Variants in RPS6KB1 observed in about 807,000 individuals in gnomAD.
RPS6KB1 encodes ribosomal protein S6 kinase beta-1.
In RPS6KB1, 12 loss-of-function variants were observed where a neutral mutation model predicts 70.2. The observed-to-expected ratio is 0.17, with a 90% confidence interval of 0.11 to 0.28. The LOEUF is 0.28. Ranked by LOEUF, RPS6KB1 falls within the 10% of genes least tolerant of loss-of-function variation. RPS6KB1 has a pLI of 1.00. For synonymous variants in RPS6KB1, 175 were observed against 211.2 expected, an observed-to-expected ratio of 0.83 and a Z score of 1.49; for missense variants, 270 against 646.6, an observed-to-expected ratio of 0.42 and a Z score of 6.32.
At chr17:59,942,105 G>A (rs1346697641) in intron 13 of RPS6KB1, among the ~76,000 whole-genome samples, 2 of 152,032 alleles carry the variant, frequency 1.3e-5, no homozygotes, top group African/African-American at 4.8e-5. Flanking sequence ...TGATCCGCCC[G>A]CCTTGGCCTC....
In RPS6KB1 at chr17:59,923,547, G is replaced by A. The variant is rs373413054; in HGVS notation, c.382-2888G>A. Among the ~76,000 whole-genome samples, 65 of 151,928 alleles carry A rather than the reference G, an allele frequency of 4.3e-4. 1 individual carries two copies. Among genetic ancestry groups the A allele is most frequent in the African/African-American group, 1.6e-3 (65 of 41,428 alleles). On this transcript the variant is annotated intron_variant, in intron 4 of 14. Coordinates refer to ENST00000225577, the MANE Select transcript of RPS6KB1 (RefSeq NM_003161.4). ...TATTTTTGAGATGGAGTCTCGCTTT[G>A]TCCCCCAGGCTGGAATGCAGTGGTG...
chr17:59,910,932 G>C (rs1478932244), intron 2 of RPS6KB1, among the ~76,000 whole-genome samples: 1 of 152,134 alleles, frequency 6.6e-6, no homozygotes, highest in Non-Finnish European at 1.5e-5. Context: ...AAAGTCAAAT[G>C]CTTTCTGTTT....
Position 59,934,302 on chromosome 17 carries a change from TA to T in RPS6KB1, c.779+44del, listed in dbSNP as rs749296707. ...ACATAATTGGTTTGGGGGTAATAGC[TA>T]ATTTTACCTGTTTTAAGGAATAGTA... On this transcript the variant is annotated intron_variant, in intron 8 of 14. Transcript: ENST00000225577. This position sits in a 1 kb window ranked among gnomAD's most constrained non-coding sequence, Gnocchi z 4.8. 2 of 1,477,102 alleles carry T rather than the reference TA, an allele frequency of 1.4e-6. No homozygotes were observed. Among genetic ancestry groups the T allele is most frequent in the African/African-American group, 2.8e-5 (2 of 72,124 alleles). 91.5% of individuals were successfully genotyped at this position (1,477,102 alleles called of 1,614,324 possible).
At chr17:59,916,023 C>T (rs775979926) in intron 4 of RPS6KB1, among the ~76,000 whole-genome samples, 2 of 150,456 alleles carry the variant, frequency 1.3e-5, no homozygotes, top group Non-Finnish European at 3.0e-5. Flanking sequence ...GTGATCTGCC[C>T]GCCTTGGCCT....
At chr17:59,900,040 C>G (rs2144676937) in intron 1 of RPS6KB1, among the ~76,000 whole-genome samples, 1 of 152,104 alleles carries the variant, frequency 6.6e-6, no homozygotes, top group Non-Finnish European at 1.5e-5. Flanking sequence ...TAGTAGCACA[C>G]AGCACACGCC....
At chr17:59,938,699 T>TTTTG (rs2044395945) in intron 12 of RPS6KB1, among the ~76,000 whole-genome samples, 1 of 138,084 alleles carries the variant, frequency 7.2e-6, no homozygotes, top group African/African-American at 2.7e-5. Context: ...AATGTGTAGT[T>TTTTG]TGTGTGTGTG....
intron 12 of RPS6KB1, among the ~76,000 whole-genome samples, chr17:59,938,522 A>T (rs1028155452): frequency 4.0e-5 from 6 of 151,824 alleles, no homozygotes; most frequent in African/African-American, 1.5e-4. Flanking sequence ...AAACTGGGTC[A>T]TTTGTCCTGT....
intron 6 of RPS6KB1, chr17:59,930,997 G>A (rs1327864469): frequency 6.5e-6 from 1 of 153,000 alleles, no homozygotes; most frequent in East Asian, 1.9e-4. Flanking sequence ...CAGTATTGCA[G>A]TGCCTTGTGC....
intron 2 of RPS6KB1, among the ~76,000 whole-genome samples, chr17:59,911,269 A>G (rs1353906376): frequency 6.6e-6 from 1 of 152,236 alleles, no homozygotes; most frequent in East Asian, 1.9e-4. Flanking sequence ...CTCTCAAGTA[A>G]AAAGCATTAG....
Position 59,934,384 on chromosome 17 carries a change from A to G in RPS6KB1, c.780-50A>G, listed in dbSNP as rs2044117012. 6.5e-7 allele frequency: 1 copy of G among 1,532,558 alleles called. No individual in the cohort carries two copies. Among genetic ancestry groups the G allele is most frequent in the Admixed American group, 1.7e-5 (1 of 59,598 alleles). The allele number at this position is 1,532,558 out of a possible 1,614,324, so 94.9% of individuals were successfully genotyped here. A position where few individuals can be genotyped will look rare whatever the true frequency, so the allele number is the denominator to read the frequency against. ...TATTGTTTTTAAAATTCTAATTCAG[A>G]TGATATGCAAATGGGTGAATTTTTA... On this transcript the variant is annotated intron_variant, in intron 8 of 14. Coordinates refer to ENST00000225577, the MANE Select transcript of RPS6KB1 (RefSeq NM_003161.4). This position sits in a 1 kb window ranked among gnomAD's most constrained non-coding sequence, Gnocchi z 4.8.
chr17:59,900,219 CACACACACA>C (rs1568377405), intron 1 of RPS6KB1, among the ~76,000 whole-genome samples: 41 of 138,460 alleles, frequency 3.0e-4, no homozygotes, highest in Admixed American at 1.9e-3. Flanking sequence ...CACACACACA[CACACACACA>C]CACCCCTATG....
chr17:59,921,122 GA>G (rs966235859), intron 4 of RPS6KB1, among the ~76,000 whole-genome samples: 1 of 152,098 alleles, frequency 6.6e-6, no homozygotes, highest in Admixed American at 6.6e-5. Flanking sequence ...GGTATCTAGT[GA>G]AAAAAAGAGT....
rs113228430 is a variant in RPS6KB1, at chr17:59,910,664, T to G, written c.191+53T>G. 7.1e-5 allele frequency: 81 copies of G among 1,142,972 alleles called. No individual in the cohort carries two copies. In the African/African-American group the frequency reaches 1.0e-3, roughly 14 times the overall value. 70.8% of individuals were successfully genotyped at this position (1,142,972 alleles called of 1,614,324 possible). ...GTGTTGTCTTTCTTACAAGTAGGTTTTATCAGTTCTATTTCGTAGCAATCA... is the reference window on the plus strand; with the variant it reads ...GTGTTGTCTTTCTTACAAGTAGGTTGTATCAGTTCTATTTCGTAGCAATCA... On this transcript the variant is annotated intron_variant, in intron 2 of 14. Transcript: ENST00000225577.
intron 13 of RPS6KB1, among the ~76,000 whole-genome samples, chr17:59,941,248 A>G (rs1380187585): frequency 6.6e-6 from 1 of 151,866 alleles, no homozygotes; most frequent in Non-Finnish European, 1.5e-5. Flanking sequence ...AAAATTAGTC[A>G]TAGCAGTCGG....
In RPS6KB1 at chr17:59,924,408, A is replaced by C. The variant is rs76791264; in HGVS notation, c.382-2027A>C. ...AAGTTATTGGTGTAATAGTCAATTA[A>C]ATTTGTGTATTCCTATTGTATTCAG... On this transcript the variant is annotated intron_variant, in intron 4 of 14. Transcript: ENST00000225577. Among the ~76,000 whole-genome samples, 35 of 152,148 alleles carry C rather than the reference A, an allele frequency of 2.3e-4. No individual in the cohort carries two copies. The East Asian group carries it at 6.7e-3, about 29-fold the overall frequency.
intron 1 of RPS6KB1, among the ~76,000 whole-genome samples, chr17:59,907,675 A>T (rs2042353032): frequency 6.6e-6 from 1 of 152,028 alleles, no homozygotes; most frequent in South Asian, 2.1e-4. Flanking sequence ...AGTAGCTGGG[A>T]CTACAGGCAT....
At chr17:59,914,318 A>C (rs1022681912) in intron 3 of RPS6KB1, among the ~76,000 whole-genome samples, 18 of 152,168 alleles carry the variant, frequency 1.2e-4, no homozygotes, top group African/African-American at 3.4e-4. Flanking sequence ...AAATTTATGA[A>C]ATATTTTATA....
At chr17:59,907,539 A>G in intron 1 of RPS6KB1, 1 of 139,024 alleles carries the variant, frequency 7.2e-6, no homozygotes, top group Non-Finnish European at 1.5e-5. Flanking sequence ...CACTTTGGTT[A>G]ATTTTTTTTT....
At chr17:59,905,784 G>A (rs2042231296) in intron 1 of RPS6KB1, among the ~76,000 whole-genome samples, 1 of 152,080 alleles carries the variant, frequency 6.6e-6, no homozygotes, top group African/African-American at 2.4e-5. Context: ...GGGATTACAG[G>A]TGTGAGCCAC....
Sources: gnomAD v4.1 joint callset for allele counts (sites outside exome capture counted in the v4.1 genomes callset) on GRCh38, gnomAD v4.1.1 for gene constraint, Gnocchi (gnomAD v3.1) non-coding constraint, MANE v1.5 for transcripts, NCBI Gene and HGNC (gene_info 2026-07-23, HGNC 2026-07-21) for gene names.